The following CCDC178 variants were observed in gnomAD, a reference collection of about 807,000 sequenced individuals.
The protein encoded by CCDC178 is coiled-coil domain-containing protein 178.
CCDC178 carries 126 observed loss-of-function variants against 117.4 expected under a neutral mutation model. That is an observed-to-expected ratio of 1.07 (90% CI 0.93 to 1.24). The LOEUF (loss-of-function observed/expected upper bound fraction) is 1.24, where lower values mean the gene tolerates loss of function less well. Ranked by LOEUF, CCDC178 falls within the 50% of genes most tolerant of loss-of-function variation. CCDC178 has a pLI of 0.00. For missense variants in CCDC178, 1,030 were observed against 986.9 expected (o/e 1.04, Z -0.59); for synonymous variants, 283 against 313.4 (o/e 0.90, Z 1.02).
At chr18:33,045,144 A>C (rs1004127834) in intron 21 of CCDC178, among the ~76,000 whole-genome samples, 4 of 152,168 alleles carry the variant, frequency 2.6e-5, no homozygotes, top group Admixed American at 6.6e-5. Context: ...AGAAATCCAC[A>C]CTTGTACCCC....
chr18:33,040,479 A>G (rs1041813628), intron 21 of CCDC178, among the ~76,000 whole-genome samples: 2 of 152,048 alleles, frequency 1.3e-5, no homozygotes, highest in African/African-American at 4.8e-5. Flanking sequence ...TACTTTTCCA[A>G]TACAAAAGAC....
At chr18:33,152,487 C>A (rs906132731) in intron 20 of CCDC178, among the ~76,000 whole-genome samples, 2 of 151,856 alleles carry the variant, frequency 1.3e-5, no homozygotes, top group African/African-American at 4.8e-5. Context: ...CCTCTTGTGC[C>A]ACTGGAAACC....
Position 33,412,342 on chromosome 18 carries a change from C to T in CCDC178, c.-22-232G>A, listed in dbSNP as rs574614344. Among the ~76,000 whole-genome samples, 4 of 152,114 alleles carry T rather than the reference C, an allele frequency of 2.6e-5. No individual in the cohort carries two copies. The East Asian group carries it at 5.8e-4, about 22-fold the overall frequency. ...CTTTGATCTTCTACTTTGCTAGTGACTTAAACCAATACCTAGGCTGACTAC... is the reference window on the plus strand; with the variant it reads ...CTTTGATCTTCTACTTTGCTAGTGATTTAAACCAATACCTAGGCTGACTAC... On this transcript the variant is annotated intron_variant, in intron 2 of 22. Transcript: ENST00000383096.
intron 12 of CCDC178, among the ~76,000 whole-genome samples, chr18:33,279,844 A>T (rs1195007719): frequency 1.3e-5 from 2 of 152,182 alleles, no homozygotes; most frequent in African/African-American, 4.8e-5. Context: ...AAAAACAAGC[A>T]ATGGGGAAAG....
intron 20 of CCDC178, among the ~76,000 whole-genome samples, chr18:33,143,642 T>C (rs943722408): frequency 6.6e-6 from 1 of 152,086 alleles, no homozygotes; most frequent in Non-Finnish European, 1.5e-5. Context: ...GTAGACCTTG[T>C]GTGAACAACA....
chr18:33,310,837 G>C (rs538704420), intron 11 of CCDC178, among the ~76,000 whole-genome samples: 35 of 152,128 alleles, frequency 2.3e-4, no homozygotes, highest in African/African-American at 8.2e-4. Flanking sequence ...CTTATTCCCA[G>C]TGGCCTCTGC....
intron 18 of CCDC178, among the ~76,000 whole-genome samples, chr18:33,219,882 T>C (rs544744117): frequency 6.6e-6 from 1 of 152,112 alleles, no homozygotes; most frequent in South Asian, 2.1e-4. Flanking sequence ...TAAACAAACC[T>C]GCACATTGTG....
chr18:33,253,777 T>C (rs1263196796), intron 14 of CCDC178, among the ~76,000 whole-genome samples: 1 of 151,864 alleles, frequency 6.6e-6, no homozygotes, highest in African/African-American at 2.4e-5. Context: ...AGAACATAAA[T>C]GTTGGAGTTA....
At chr18:33,208,863 T>C (rs2144580647) in intron 20 of CCDC178, among the ~76,000 whole-genome samples, 1 of 152,098 alleles carries the variant, frequency 6.6e-6, no homozygotes, top group East Asian at 1.9e-4. Context: ...CAATTAACTC[T>C]ACAAGGAATG....
chr18:33,207,257 C>T (rs1279714911), intron 20 of CCDC178, among the ~76,000 whole-genome samples: 1 of 151,834 alleles, frequency 6.6e-6, no homozygotes, highest in African/African-American at 2.4e-5. Context: ...ATCTCTGTTC[C>T]AATATCTTTA....
At chr18:33,007,008 C>A (rs1036854962) in intron 21 of CCDC178, among the ~76,000 whole-genome samples, 13 of 152,012 alleles carry the variant, frequency 8.6e-5, no homozygotes, top group African/African-American at 3.1e-4. Context: ...GTTTATGTAT[C>A]TGATATGTGG....
chr18:33,219,490 G>A (rs986639105), intron 18 of CCDC178, among the ~76,000 whole-genome samples: 11 of 151,990 alleles, frequency 7.2e-5, no homozygotes, highest in Admixed American at 2.6e-4. Context: ...TGTTTATTGC[G>A]GCACTATTCA....
chr18:33,255,766 G>A (rs1268665021), intron 14 of CCDC178, among the ~76,000 whole-genome samples: 1 of 151,942 alleles, frequency 6.6e-6, no homozygotes, highest in Non-Finnish European at 1.5e-5. Context: ...AGGAGATGGA[G>A]CAAGGGTATA....
intron 21 of CCDC178, among the ~76,000 whole-genome samples, chr18:33,004,793 C>T (rs75555766): frequency 0.079 from 12,067 of 151,958 alleles, 624 homozygotes; most frequent in African/African-American, 0.14. Context: ...CAGATTAAAA[C>T]ATGAGCAAAA....
intron 20 of CCDC178, among the ~76,000 whole-genome samples, chr18:33,162,022 T>C (rs1032729879): frequency 2.0e-5 from 3 of 152,204 alleles, no homozygotes; most frequent in Non-Finnish European, 4.4e-5. Context: ...TGAACTAGTT[T>C]ACAGTCCCAC....
At chr18:33,375,834 A>T (rs2063357296) in intron 5 of CCDC178, among the ~76,000 whole-genome samples, 1 of 152,210 alleles carries the variant, frequency 6.6e-6, no homozygotes, top group South Asian at 2.1e-4. Context: ...GCAAATCTGT[A>T]CTGGTCCACA....
chr18:33,270,727 A>G (rs1336073403), intron 12 of CCDC178, among the ~76,000 whole-genome samples: 2 of 151,550 alleles, frequency 1.3e-5, no homozygotes, highest in South Asian at 2.1e-4. Context: ...ACTCAAGGGA[A>G]TTGATTCCTT....
intron 21 of CCDC178, among the ~76,000 whole-genome samples, chr18:33,066,158 G>A (rs933822127): frequency 1.3e-5 from 2 of 152,096 alleles, no homozygotes; most frequent in Admixed American, 6.6e-5. Flanking sequence ...ACCGCGCCTG[G>A]CCTGTTAGTT....
chr18:33,432,478 TACACACACAC>T lies in CCDC178; in HGVS notation c.-23+7474_-23+7483del, dbSNP rs56111462. 3.6e-3 allele frequency among the ~76,000 whole-genome samples: 511 copies of T among 143,384 alleles called. 2 individuals are homozygous for T. The highest frequency in any genetic ancestry group is 0.024 in the South Asian group (101 of 4,268). The allele number at this position is 143,384 out of a possible 152,430, so 94.1% of individuals were successfully genotyped here. On this transcript the variant is annotated intron_variant, in intron 2 of 22. Transcript: ENST00000383096. ...ATATAATTCTCTCATGCCTTCTCCA[TACACACACAC>T]ACACACACACACACACACACACACA...
Sources: gnomAD v4.1 joint callset for allele counts (sites outside exome capture counted in the v4.1 genomes callset) on GRCh38, gnomAD v4.1.1 for gene constraint, MANE v1.5 for transcripts, NCBI Gene and HGNC (gene_info 2026-07-23, HGNC 2026-07-21) for gene names.